Variants in MTUS1 observed in about 807,000 individuals in gnomAD.
The protein encoded by MTUS1 is microtubule-associated tumor suppressor 1.
A neutral mutation model predicts 120.8 loss-of-function variants in MTUS1; 109 were observed. The observed-to-expected ratio is 0.90, with a 90% CI of 0.77 to 1.06. The LOEUF (loss-of-function observed/expected upper bound fraction) is 1.06, where lower values mean the gene tolerates loss of function less well. Among genes scored for constraint, MTUS1 ranks in the 50% least tolerant of loss-of-function variants. The probability of loss-of-function intolerance (pLI) is 0.00; values close to 1 mark genes in which losing one functional copy is unlikely to be tolerated. For missense variants in MTUS1, 2,210 were observed against 1,486.3 expected (o/e 1.49, Z -8.01); for synonymous variants, 737 against 550.5 (o/e 1.34, Z -4.74).
chr8:17,659,370 AT>A (rs1809176929), intron 8 of MTUS1, among the ~76,000 whole-genome samples: 1 of 152,194 alleles, frequency 6.6e-6, no homozygotes, highest in South Asian at 2.1e-4. Flanking sequence ...GTTTGGTCAG[AT>A]TTTTAAAACA....
intron 6 of MTUS1, among the ~76,000 whole-genome samples, chr8:17,695,050 A>C (rs1817682643): frequency 6.6e-6 from 1 of 152,136 alleles, no homozygotes; most frequent in Admixed American, 6.5e-5. Flanking sequence ...CACTTCCTTC[A>C]CTAAGGATAC....
At chr8:17,797,196 T>C (rs1034827027) in intron 1 of MTUS1, among the ~76,000 whole-genome samples, 1 of 151,716 alleles carries the variant, frequency 6.6e-6, no homozygotes, top group Non-Finnish European at 1.5e-5. Flanking sequence ...AGGATTTGCT[T>C]GAGCCCAGCA....
At chr8:17,772,811 G>A (rs566559850) in intron 1 of MTUS1, among the ~76,000 whole-genome samples, 77 of 151,946 alleles carry the variant, frequency 5.1e-4, no homozygotes, top group Non-Finnish European at 8.1e-4. Flanking sequence ...CTGTAATTCA[G>A]CACCAAAAAA....
intron 5 of MTUS1, among the ~76,000 whole-genome samples, 163 bp downstream of exon 5, chr8:17,715,604 A>G (rs1822163293): frequency 6.6e-6 from 1 of 152,228 alleles, no homozygotes; most frequent in Non-Finnish European, 1.5e-5. Flanking sequence ...AACTGTCAGA[A>G]AAACAATTTC....
intron 7 of MTUS1, among the ~76,000 whole-genome samples, chr8:17,679,846 G>T (rs1396098803): frequency 2.0e-5 from 3 of 152,054 alleles, no homozygotes; most frequent in Non-Finnish European, 4.4e-5. Flanking sequence ...TACACAATCA[G>T]TAAATATTTG....
chr8:17,701,114 C>T (rs886668682), intron 6 of MTUS1, among the ~76,000 whole-genome samples: 2 of 152,134 alleles, frequency 1.3e-5, no homozygotes, highest in Non-Finnish European at 2.9e-5. Context: ...AACCAAGTGA[C>T]TTGTGTGGAG....
intron 3 of MTUS1, among the ~76,000 whole-genome samples, chr8:17,728,791 C>T (rs1256531124): frequency 1.6e-5 from 2 of 124,258 alleles, no homozygotes; most frequent in Non-Finnish European, 1.7e-5. Context: ...TTGGGGGGGT[C>T]GGGGAGGGTG....
intron 3 of MTUS1, among the ~76,000 whole-genome samples, chr8:17,742,297 T>TTTTTTTTTTG (rs2047392574): frequency 7.0e-6 from 1 of 142,190 alleles, no homozygotes; most frequent in African/African-American, 2.7e-5. Context: ...TGTTGTTTTT[T>TTTTTTTTTTG]TTTTTTTTTT....
At chr8:17,794,936 C>T (rs576072777) in intron 1 of MTUS1, among the ~76,000 whole-genome samples, 2 of 152,214 alleles carry the variant, frequency 1.3e-5, no homozygotes, top group Admixed American at 6.5e-5. Context: ...GTTTCAACTT[C>T]GTATCATTCA....
rs757676275 is a variant in MTUS1, at chr8:17,675,234, G to C, written c.2857C>G (p.Gln953Glu). 1.2e-6 allele frequency: 2 copies of C among 1,614,068 alleles called. No individual in the cohort carries two copies. Among genetic ancestry groups the C allele is most frequent in the Non-Finnish European group, 1.7e-6 (2 of 1,179,980 alleles). Reference sequence around the variant, plus strand: ...AGTTCTTGAGATAGGGTTTTGTGTTGTTTCAGTGCTTCCTCCCGCTGCGGA... The same window carrying C: ...AGTTCTTGAGATAGGGTTTTGTGTTCTTTCAGTGCTTCCTCCCGCTGCGGA... Reference protein sequence around the residue: ...LLSEREEALKQHKTLSQELVN... With the variant: ...LLSEREEALKEHKTLSQELVN... The change falls in exon 8 of 15, where the codon CAA (glutamine) becomes GAA (glutamate). Residue 953 changes from glutamine (Q) to glutamate (E), a missense_variant. Transcript: ENST00000693296.
chr8:17,769,066 G>A (rs1052649735), intron 1 of MTUS1, among the ~76,000 whole-genome samples: 4 of 152,020 alleles, frequency 2.6e-5, no homozygotes, highest in Admixed American at 1.3e-4. Context: ...GCTTGGGGGT[G>A]GAGGAGCAAG....
intron 2 of MTUS1, among the ~76,000 whole-genome samples, chr8:17,750,477 T>C (rs1278343411): frequency 1.3e-5 from 2 of 152,216 alleles, no homozygotes; most frequent in Admixed American, 6.5e-5. Flanking sequence ...TTGTTTTGCC[T>C]TTCAGAGCCA....
intron 7 of MTUS1, among the ~76,000 whole-genome samples, chr8:17,684,071 G>C (rs967966033): frequency 6.6e-6 from 1 of 152,124 alleles, no homozygotes; most frequent in Non-Finnish European, 1.5e-5. Flanking sequence ...GGCGTAAGAG[G>C]CAATTATGTT....
intron 1 of MTUS1, among the ~76,000 whole-genome samples, chr8:17,792,694 TC>T (rs1461320094): frequency 6.6e-6 from 1 of 152,142 alleles, no homozygotes; most frequent in Non-Finnish European, 1.5e-5. Context: ...GGAAATTCTG[TC>T]TCTACCAAAA....
chr8:17,670,794 G>A (rs3862087), intron 8 of MTUS1, among the ~76,000 whole-genome samples: 72,991 of 151,378 alleles, frequency 0.48, 20,005 homozygotes, highest in Middle Eastern at 0.68. Flanking sequence ...GTGCACTCCA[G>A]CCTGGCAACA....
intron 1 of MTUS1, among the ~76,000 whole-genome samples, chr8:17,761,673 T>C (rs2049047588): frequency 6.6e-6 from 1 of 152,190 alleles, no homozygotes; most frequent in South Asian, 2.1e-4. Context: ...CAAGAATGTT[T>C]CCAAAAGTAA....
intron 6 of MTUS1, among the ~76,000 whole-genome samples, chr8:17,709,202 G>A (rs982158309): frequency 6.6e-6 from 1 of 151,842 alleles, no homozygotes; most frequent in Non-Finnish European, 1.5e-5. Flanking sequence ...TTACACTGAG[G>A]AAACTGAATA....
chr8:17,728,655 G>A (rs552246955), intron 3 of MTUS1, among the ~76,000 whole-genome samples: 2 of 152,318 alleles, frequency 1.3e-5, no homozygotes, highest in Admixed American at 1.3e-4. Flanking sequence ...TAGGAACACA[G>A]GTGGGAAGAA....
At chr8:17,759,030 C>T (rs960745880) in intron 1 of MTUS1, among the ~76,000 whole-genome samples, 6 of 150,296 alleles carry the variant, frequency 4.0e-5, no homozygotes, top group South Asian at 2.1e-4. Flanking sequence ...TACAGGCGCC[C>T]GCCACCATGC....
Sources: gnomAD v4.1 joint callset for allele counts (sites outside exome capture counted in the v4.1 genomes callset) on GRCh38, gnomAD v4.1.1 for gene constraint, MANE v1.5 for transcripts, NCBI Gene and HGNC (gene_info 2026-07-23, HGNC 2026-07-21) for gene names.